USP40: variants seen among roughly 807,000 people sequenced by gnomAD.
USP40 encodes the protein ubiquitin carboxyl-terminal hydrolase 40.
In USP40, 143 loss-of-function variants were observed where a neutral mutation model predicts 166.2. The observed-to-expected ratio is 0.86, with a 90% CI of 0.75 to 0.99. USP40 has a LOEUF of 0.99. Ranked by LOEUF, USP40 falls within the 50% of genes least tolerant of loss-of-function variation. USP40 has a pLI of 0.00. For missense variants in USP40, 1,444 were observed against 1,479.7 expected (o/e 0.98, Z 0.40); for synonymous variants, 498 against 524.0 (o/e 0.95, Z 0.68).
chr2:233,494,637 T>A (rs1474518105), intron 24 of USP40, among the ~76,000 whole-genome samples: 2 of 151,386 alleles, frequency 1.3e-5, no homozygotes, highest in African/African-American at 4.9e-5. Context: ...GAGGCTGAGG[T>A]GGGAGGATCG....
chr2:233,529,501 G>A lies in USP40; in HGVS notation c.1483C>T (p.Pro495Ser). 2 of 1,581,528 alleles carry A rather than the reference G, an allele frequency of 1.3e-6. No individual in the cohort carries two copies. Among genetic ancestry groups the A allele is most frequent in the Non-Finnish European group, 1.7e-6 (2 of 1,162,050 alleles). Residue 495 changes from proline to serine, a missense_variant, in exon 12 of 32, where the codon CCA becomes TCA. Physicochemically the swap from Pro to Ser is moderately conservative, Grantham distance 74. Coordinates refer to ENST00000678225, the MANE Select transcript of USP40 (RefSeq NM_001365479.2). ...LQRPPEARANPRYGVPCHLLN... is the reference protein window; with the variant it reads ...LQRPPEARANSRYGVPCHLLN... Reference sequence around the variant, plus strand: ...AAATGACATGGAACCCCATATCTTGGATTAGCTCGAGCTGTGAACAAAATT... The same window carrying A: ...AAATGACATGGAACCCCATATCTTGAATTAGCTCGAGCTGTGAACAAAATT...
intron 20 of USP40, among the ~76,000 whole-genome samples, chr2:233,511,475 C>T (rs140320713): frequency 0.013 from 1,941 of 152,192 alleles, 39 homozygotes; most frequent in East Asian, 0.084. Context: ...CACTCAGCAT[C>T]AAAGATTCCT....
In USP40 at chr2:233,566,739, C is replaced by G; in HGVS notation, c.-75G>C. 3.0e-6 allele frequency: 3 copies of G among 985,936 alleles called. No homozygotes were observed. The highest frequency in any genetic ancestry group is 3.6e-6 in the Non-Finnish European group (3 of 829,958). 61.1% of individuals were successfully genotyped at this position (985,936 alleles called of 1,614,324 possible). A position where few individuals can be genotyped will look rare whatever the true frequency, so the allele number is the denominator to read the frequency against. Reference sequence around the variant, plus strand: ...AAACGCGAAGCGAACGAACCCGCCCCAACTGGGCGCCGCCATGTTGGCGAG... The same window carrying G: ...AAACGCGAAGCGAACGAACCCGCCCGAACTGGGCGCCGCCATGTTGGCGAG... On this transcript the variant is annotated 5_prime_UTR_variant, in exon 1 of 32. Transcript: ENST00000678225.
In USP40 at chr2:233,510,113, C is replaced by A. The variant is rs868580970; in HGVS notation, c.2549G>T (p.Gly850Val). 1 of 1,603,518 alleles carries A rather than the reference C, an allele frequency of 6.2e-7. No homozygotes were observed. The highest frequency in any genetic ancestry group is 1.7e-5 in the Admixed American group (1 of 59,018). Residue 850 changes from glycine to valine, a missense_variant, in exon 21 of 32, where the codon GGG becomes GTG. Coordinates refer to ENST00000678225, the MANE Select transcript of USP40 (RefSeq NM_001365479.2). The part of the protein sequence containing the change: ...SSQLFLFFAM[G>V]SDVQPGTEME... ...TTCTGTCCCAGGTTGAACGTCACTC[C>A]CCATTGCAAAAAACAGGAACAACTA...
chr2:233,559,309 G>A (rs1479588118), intron 4 of USP40, among the ~76,000 whole-genome samples: 1 of 152,186 alleles, frequency 6.6e-6, no homozygotes, highest in East Asian at 1.9e-4. Context: ...AAAAAGACCT[G>A]CCAAGAACCA....
rs372317045 is a variant in USP40 at position 233,529,461 on chromosome 2, T to A, written c.1523A>T (p.Asp508Val). The change falls in exon 12 of 32, where the codon GAT becomes GTT. Residue 508 changes from aspartate (D) to valine (V), a missense_variant. Asp to Val is a radical substitution (Grantham distance 152). Coordinates refer to ENST00000678225, the MANE Select transcript of USP40 (RefSeq NM_001365479.2). ...GGTTTGCAGTTCAATGTTAGCTGCA[T>A]CCATTTCATTCAGTAAATGACATGG... ...GVPCHLLNEM[D>V]AANIELQTKR... The A allele has an allele frequency of 6.6e-5, 104 of 1,581,516 alleles. No homozygotes were observed. The highest frequency in any genetic ancestry group is 7.9e-5 in the Non-Finnish European group (92 of 1,161,766).
intron 30 of USP40, among the ~76,000 whole-genome samples, chr2:233,484,895 G>A (rs949882840): frequency 3.9e-5 from 6 of 152,092 alleles, no homozygotes; most frequent in South Asian, 4.2e-4. Context: ...TTCATTGCCC[G>A]TGTTGTTTAG....
In USP40 at chr2:233,565,581, A is replaced by C; in HGVS notation, c.-19-8T>G. 1 of 1,528,500 alleles carries C rather than the reference A, an allele frequency of 6.5e-7. No homozygotes were observed. Among genetic ancestry groups the C allele is most frequent in the Non-Finnish European group, 8.7e-7 (1 of 1,143,802 alleles). 94.7% of individuals were successfully genotyped at this position (1,528,500 alleles called of 1,614,324 possible). On this transcript the variant is annotated splice_polypyrimidine_tract_variant and splice_region_variant and intron_variant, in intron 1 of 31. Transcript: ENST00000678225. Reference sequence around the variant, plus strand: ...GTGAAACTAAATACTACCCTTAAAAAAAGTGACATATAAATGCTTTTATTT... The same window carrying C: ...GTGAAACTAAATACTACCCTTAAAACAAGTGACATATAAATGCTTTTATTT...
intron 23 of USP40, 65 bp downstream of exon 23, chr2:233,498,483 A>G (rs1423146860): frequency 1.4e-6 from 2 of 1,430,026 alleles, no homozygotes; most frequent in African/African-American, 1.4e-5. Flanking sequence ...TGGAATGGGT[A>G]CCTTGTACGA....
chr2:233,511,537 A>T (rs956879660), intron 20 of USP40, among the ~76,000 whole-genome samples, 172 bp downstream of exon 20: 1 of 152,248 alleles, frequency 6.6e-6, no homozygotes, highest in African/African-American at 2.4e-5. Context: ...CTTTGGCATA[A>T]TATTTTATAT....
chr2:233,544,834 T>C (rs752235389), intron 8 of USP40, among the ~76,000 whole-genome samples: 6 of 152,212 alleles, frequency 3.9e-5, no homozygotes, highest in Non-Finnish European at 7.3e-5. Context: ...TTGACCTTGA[T>C]ACTGGATGAA....
Position 233,519,605 on chromosome 2 carries a change from A to G in USP40, c.2383+9T>C, listed in dbSNP as rs1291074297. On this transcript the variant is annotated intron_variant, in intron 18 of 31. Transcript: ENST00000678225. Reference sequence around the variant, plus strand: ...AACTAAGAACCGAAAAGAAAATGTAAATGATTACCTAGTTCCTTCATTAAT... The same window carrying G: ...AACTAAGAACCGAAAAGAAAATGTAGATGATTACCTAGTTCCTTCATTAAT... 1 of 1,432,438 alleles carries G rather than the reference A, an allele frequency of 7.0e-7. No homozygotes were observed. Among genetic ancestry groups the G allele is most frequent in the Non-Finnish European group, 9.6e-7 (1 of 1,044,468 alleles). 88.7% of individuals were successfully genotyped at this position (1,432,438 alleles called of 1,614,324 possible).
At chr2:233,495,224 C>T (rs2065674966) in intron 24 of USP40, among the ~76,000 whole-genome samples, 1 of 151,184 alleles carries the variant, frequency 6.6e-6, no homozygotes, top group South Asian at 2.1e-4. Flanking sequence ...AATAGGTTGC[C>T]TAGCAAATAA....
Position 233,521,020 on chromosome 2 carries a change from G to C in USP40, c.2296C>G (p.Gln766Glu), listed in dbSNP as rs1294313606. The C allele has an allele frequency of 6.2e-7, 1 of 1,613,196 alleles. No homozygotes were observed. The highest frequency in any genetic ancestry group is 1.3e-5 in the African/African-American group (1 of 74,908). ...TTAACAGTTGCTGATATTTTAACTT[G>C]CTTCTCTTCAGATTCTAACTGGCAT... ...NLCQLESEEK[Q>E]VKISATVNTM... is the part of the protein sequence containing the mutation. The change falls in exon 17 of 32, where the codon CAA becomes GAA. Residue 766 changes from glutamine (Q) to glutamate (E), a missense_variant. Physicochemically the swap from Gln to Glu is conservative, Grantham distance 29. Transcript: ENST00000678225.
At chr2:233,554,614 G>A (rs1455753718) in intron 5 of USP40, 88 bp from the exon 6 acceptor site, 1 of 1,053,928 alleles carries the variant, frequency 9.5e-7, no homozygotes, top group African/African-American at 1.6e-5. Context: ...GGAATAATCA[G>A]ATATATGTTT....
At chr2:233,523,580 C>T in intron 15 of USP40, 91 bp from the exon 16 acceptor site, 1 of 1,210,022 alleles carries the variant, frequency 8.3e-7, no homozygotes, top group African/African-American at 1.5e-5. Flanking sequence ...AGAGAACAAC[C>T]CTCATTTTTT....
chr2:233,510,798 T>A (rs970356491), intron 20 of USP40, among the ~76,000 whole-genome samples: 1 of 152,206 alleles, frequency 6.6e-6, no homozygotes, highest in African/African-American at 2.4e-5. Flanking sequence ...CATTAGTATG[T>A]TTTTTCTGAG....
At chr2:233,540,293 T>C (rs1403726942) in intron 10 of USP40, among the ~76,000 whole-genome samples, 1 of 152,178 alleles carries the variant, frequency 6.6e-6, no homozygotes, top group Non-Finnish European at 1.5e-5. Flanking sequence ...TGAACAAGTT[T>C]ATGCCAATAA....
Position 233,523,408 on chromosome 2 carries a change from C to T in USP40, c.1963G>A (p.Gly655Arg). 1 of 1,613,992 alleles carries T rather than the reference C, an allele frequency of 6.2e-7. No individual in the cohort carries two copies. Among genetic ancestry groups the T allele is most frequent in the Non-Finnish European group, 8.5e-7 (1 of 1,179,886 alleles). The change falls in exon 16 of 32, where the codon GGA becomes AGA. Residue 655 changes from glycine to arginine, a missense_variant. Coordinates refer to ENST00000678225, the MANE Select transcript of USP40 (RefSeq NM_001365479.2). ...NVLHLDTSSD[G>R]EKCCQVIESP... ...TCTATCACCTGACAACACTTTTCTC[C>T]ATCACTGCTTGTGTCTAGATGAAGA... is the stretch of plus-strand genomic sequence containing the variant.
Sources: allele counts gnomAD v4.1 joint callset (sites outside exome capture counted in the v4.1 genomes callset), GRCh38; gene constraint gnomAD v4.1.1; transcripts MANE v1.5; gene names NCBI Gene and HGNC (gene_info 2026-07-23, HGNC 2026-07-21).